The following OLFM1 variants were observed in gnomAD, a reference collection of about 807,000 sequenced individuals.
OLFM1 encodes the protein noelin.
OLFM1 carries 9 observed loss-of-function variants against 49.7 expected under a neutral mutation model. That is an observed-to-expected ratio of 0.18 (90% CI 0.11 to 0.32). OLFM1 has a LOEUF of 0.32. OLFM1 is among the 10% of genes least tolerant of loss of function. The pLI is 1.00. For missense variants in OLFM1, 369 were observed against 661.8 expected (o/e 0.56, Z 4.85); for synonymous variants, 240 against 271.8 (o/e 0.88, Z 1.15).
chr9:135,114,993 G>A (rs995858485), intron 5 of OLFM1, among the ~76,000 whole-genome samples: 2 of 152,180 alleles, frequency 1.3e-5, no homozygotes, highest in Non-Finnish European at 2.9e-5. Flanking sequence ...ATGGCAGGAA[G>A]GATGAGGCCA....
chr9:135,103,105 C>T lies in OLFM1; in HGVS notation c.677-3644C>T, dbSNP rs1488262082. On this transcript the variant is annotated intron_variant, in intron 4 of 5. Transcript: ENST00000371793. ...CCTCCAGCTGAGCATGCTGGCCCTC[C>T]AAGCCCAGGCCTTCCTAGGAGAGAG... Among the ~76,000 whole-genome samples the T allele has an allele frequency of 7.2e-5, 11 of 152,324 alleles. No homozygotes were observed. In the East Asian group the frequency reaches 1.5e-3, roughly 21 times the overall value.
At chr9:135,081,853 G>C (rs571508115) in intron 1 of OLFM1, among the ~76,000 whole-genome samples, 2 of 152,176 alleles carry the variant, frequency 1.3e-5, no homozygotes, top group Non-Finnish European at 2.9e-5. Flanking sequence ...TGCCCGACAC[G>C]TGCACCCGAC....
rs1366556652 is a variant in OLFM1 at position 135,113,159 on chromosome 9, G to T, written c.783+6304G>T. On this transcript the variant is annotated intron_variant, in intron 5 of 5. Coordinates refer to ENST00000371793, the MANE Select transcript of OLFM1 (RefSeq NM_001282611.2). This position sits in a 1 kb window ranked among gnomAD's most constrained non-coding sequence, Gnocchi z 4.0. Reference sequence around the variant, plus strand: ...TTCCTTCTCTCTGGGCCTCTCTGAAGTGGGGATTTGGGGACGGGGTCCCTA... The same window carrying T: ...TTCCTTCTCTCTGGGCCTCTCTGAATTGGGGATTTGGGGACGGGGTCCCTA... Among the ~76,000 whole-genome samples, 1 of 152,174 alleles carries T rather than the reference G, an allele frequency of 6.6e-6. No homozygotes were observed. The highest frequency in any genetic ancestry group is 1.9e-4 in the East Asian group (1 of 5,168).
rs1830629346 is a variant in OLFM1, at chr9:135,088,273, G to A, written c.150+134G>A. 1 of 847,540 alleles carries A rather than the reference G, an allele frequency of 1.2e-6. No homozygotes were observed. Among genetic ancestry groups the A allele is most frequent in the African/African-American group, 1.8e-5 (1 of 55,904 alleles). The allele number at this position is 847,540 out of a possible 1,614,324, so 52.5% of individuals were successfully genotyped here. On this transcript the variant is annotated intron_variant, in intron 1 of 5. Coordinates refer to ENST00000371793, the MANE Select transcript of OLFM1 (RefSeq NM_001282611.2). This position sits in a 1 kb window ranked among gnomAD's most constrained non-coding sequence, Gnocchi z 4.8. ...CCAGGGAGGCGGCGGGGAGCAGGGC[G>A]GGCAAGGGCAGGCGTCGCGGGCCGG... is the stretch of plus-strand genomic sequence containing the variant.
At chr9:135,085,066 T>C (rs950791038), upstream of OLFM1, among the ~76,000 whole-genome samples, 5 of 152,266 alleles carry the variant, frequency 3.3e-5, no homozygotes, top group East Asian at 7.7e-4. Flanking sequence ...GGTGTGCTTG[T>C]TTTTATGTGT....
At position 135,087,931 on chromosome 9, in the gene OLFM1, G is replaced by T. The variant is rs1345356919; in HGVS notation, c.-59G>T. ...CCGCGGTGCCCGCCGCCTGAAGGCCGCCTGGGCGCGGGAGCCGGTGCCAGC... is the reference window on the plus strand; with the variant it reads ...CCGCGGTGCCCGCCGCCTGAAGGCCTCCTGGGCGCGGGAGCCGGTGCCAGC... On this transcript the variant is annotated 5_prime_UTR_variant, in exon 1 of 6. Coordinates refer to ENST00000371793, the MANE Select transcript of OLFM1 (RefSeq NM_001282611.2). 2 of 1,316,904 alleles carry T rather than the reference G, an allele frequency of 1.5e-6. No individual in the cohort carries two copies. Among genetic ancestry groups the T allele is most frequent in the Admixed American group, 3.2e-5 (1 of 31,202 alleles). The allele number at this position is 1,316,904 out of a possible 1,614,324, so 81.6% of individuals were successfully genotyped here.
chr9:135,080,504 C>T lies in OLFM1; in HGVS notation c.96+4702C>T, dbSNP rs753290378. On this transcript the variant is annotated intron_variant, in intron 1 of 5. Coordinates refer to the OLFM1 transcript ENST00000252854. This position sits in a 1 kb window ranked among gnomAD's most constrained non-coding sequence, Gnocchi z 4.5. ...GGGGCACCCTCCCCTTTCCCATTCC[C>T]GGGCTGCCTCCCCTGGTGGAGAGGC... 3.7e-4 allele frequency among the ~76,000 whole-genome samples: 57 copies of T among 152,248 alleles called. No individual in the cohort carries two copies. Among genetic ancestry groups the T allele is most frequent in the Non-Finnish European group, 7.1e-4 (48 of 68,014 alleles).
Position 135,119,819 on chromosome 9 carries a change from G to A in OLFM1, c.1099G>A (p.Val367Met), listed in dbSNP as rs950757823. Residue 367 changes from valine to methionine, a missense_variant, in exon 6 of 6, where the codon GTG becomes ATG. This residue lies in a region of OLFM1 where 294 missense variants were observed against 567.5 expected (regional missense o/e 0.52). Transcript: ENST00000371793. ...GGTGGACGAGAGCGGGCTGTGGGCC[G>A]TGTACGCCACCAACCAGAACGCTGG... The part of the protein sequence containing the change: ...LMVDESGLWA[V>M]YATNQNAGNI... 3 of 1,613,892 alleles carry A rather than the reference G, an allele frequency of 1.9e-6. No individual in the cohort carries two copies. The highest frequency in any genetic ancestry group is 2.5e-6 in the Non-Finnish European group (3 of 1,180,036).
In OLFM1 at chr9:135,090,278, C is replaced by T. The variant is rs771177279; in HGVS notation, c.234C>T (p.Val78=). 4.6e-5 allele frequency: 75 copies of T among 1,613,958 alleles called. No individual in the cohort carries two copies. Among genetic ancestry groups the T allele is most frequent in the Non-Finnish European group, 5.9e-5 (70 of 1,180,034 alleles). Residue 78 remains valine (V), a synonymous_variant, in exon 2 of 6, where the codon GTC becomes GTT. Coordinates refer to ENST00000371793, the MANE Select transcript of OLFM1 (RefSeq NM_001282611.2). ...AGGGCAGGTGTATCTGCACAGTGGTCGCTCCACAGCAGACCATGTGTTCAC... is the reference window on the plus strand; with the variant it reads ...AGGGCAGGTGTATCTGCACAGTGGTTGCTCCACAGCAGACCATGTGTTCAC... ...DSEGRCICTV[V]APQQTMCSRD...
At chr9:135,118,843 AGTGCTCACCG>A (rs1831140330) in intron 5 of OLFM1, among the ~76,000 whole-genome samples, 2 of 106,330 alleles carry the variant, frequency 1.9e-5, no homozygotes, top group African/African-American at 8.7e-5. Flanking sequence ...GGGTCTTTGG[AGTGCTCACCG>A]GGTCTTTGGA....
intron 4 of OLFM1, among the ~76,000 whole-genome samples, chr9:135,101,791 T>A (rs894833772): frequency 6.6e-6 from 1 of 152,224 alleles, no homozygotes; most frequent in Non-Finnish European, 1.5e-5. Flanking sequence ...TGCACGATGC[T>A]GCTCTACCCA....
chr9:135,118,520 A>C (rs73664056), intron 5 of OLFM1, among the ~76,000 whole-genome samples: 545 of 137,608 alleles, frequency 4.0e-3, no homozygotes, highest in African/African-American at 7.1e-3. Context: ...GGGTCTTTGG[A>C]ATGCTCGCTG....
chr9:135,116,399 G>T (rs1831096540), intron 5 of OLFM1, among the ~76,000 whole-genome samples: 2 of 152,170 alleles, frequency 1.3e-5, no homozygotes, highest in African/African-American at 4.8e-5. Context: ...TCAGAGTGCG[G>T]TATCCTGTGT....
chr9:135,077,554 C>G (rs1338427332), intron 1 of OLFM1, among the ~76,000 whole-genome samples: 1 of 152,222 alleles, frequency 6.6e-6, no homozygotes, highest in Non-Finnish European at 1.5e-5. Context: ...CCCCTGCATC[C>G]TCACACCTTA....
At chr9:135,081,883 C>A (rs1362671735) in intron 1 of OLFM1, among the ~76,000 whole-genome samples, 1 of 152,196 alleles carries the variant, frequency 6.6e-6, no homozygotes, top group Non-Finnish European at 1.5e-5. Flanking sequence ...GGTCCGGTGA[C>A]CCCCTTTGTT....
At chr9:135,103,270 T>C (rs1830895410) in intron 4 of OLFM1, among the ~76,000 whole-genome samples, 1 of 152,218 alleles carries the variant, frequency 6.6e-6, no homozygotes, top group African/African-American at 2.4e-5. Flanking sequence ...CTGAACTGCA[T>C]GTGCCAAGAT....
chr9:135,075,612 C>A, exon 1 of OLFM1: 1 of 812,538 alleles, frequency 1.2e-6, no homozygotes, highest in Non-Finnish European at 1.7e-6. Context: ...GGGACACGAG[C>A]CAGGCGCCGC....
At chr9:135,097,401 C>G (rs1054172286) in intron 3 of OLFM1, among the ~76,000 whole-genome samples, 1 of 152,116 alleles carries the variant, frequency 6.6e-6, no homozygotes, top group African/African-American at 2.4e-5. Context: ...GCATTTATGT[C>G]TCTGAGCCAG....
At chr9:135,104,646 G>A (rs1830915720) in intron 4 of OLFM1, among the ~76,000 whole-genome samples, 1 of 152,232 alleles carries the variant, frequency 6.6e-6, no homozygotes, top group Admixed American at 6.5e-5. Flanking sequence ...CCAAGGCACT[G>A]TCTTAGGGGA....
Sources: allele counts gnomAD v4.1 joint callset (sites outside exome capture counted in the v4.1 genomes callset), GRCh38; gene constraint gnomAD v4.1.1; regional missense constraint gnomAD v4.1.1; non-coding constraint Gnocchi (gnomAD v3.1); transcripts MANE v1.5; gene names NCBI Gene and HGNC (gene_info 2026-07-23, HGNC 2026-07-21).